The following ABCC3 variants were observed in gnomAD, a reference collection of about 807,000 sequenced individuals.
ABCC3 encodes the protein ATP binding cassette subfamily C member 3.
Under a neutral mutation model 165.3 loss-of-function variants are expected in ABCC3, and 121 were observed. That is an observed-to-expected ratio of 0.73 (90% CI 0.63 to 0.85). The LOEUF is 0.85. Among genes scored for constraint, ABCC3 ranks in the 40% least tolerant of loss-of-function variants. The probability of loss-of-function intolerance (pLI) is 0.00; values close to 1 mark genes in which losing one functional copy is unlikely to be tolerated. For missense variants in ABCC3, 1,869 were observed against 1,964.1 expected (o/e 0.95, Z 0.92); for synonymous variants, 733 against 810.1 (o/e 0.90, Z 1.62).
In ABCC3 at chr17:50,673,032, A is replaced by T; in HGVS notation, c.2303A>T (p.Asp768Val). Residue 768 changes from aspartate (D) to valine (V), a missense_variant, in exon 18 of 31, where the codon GAT becomes GTT. Physicochemically the swap from Asp to Val is radical, Grantham distance 152 (BLOSUM62 -3). Transcript: ENST00000285238. Reference protein sequence around the residue: ...RVSLARAVYSDADIFLLDDPL... With the variant: ...RVSLARAVYSVADIFLLDDPL... The stretch of plus-strand genomic sequence containing the variant: ...AGTCTGGCTCGAGCTGTTTACAGTG[A>T]TGCCGATATTTTCTTGCTGGATGAC... 1 of 1,614,072 alleles carries T rather than the reference A, an allele frequency of 6.2e-7. No homozygotes were observed. Among genetic ancestry groups the T allele is most frequent in the Non-Finnish European group, 8.5e-7 (1 of 1,180,014 alleles).
intron 26 of ABCC3, among the ~76,000 whole-genome samples, chr17:50,683,156 C>CTG (rs1967955513): frequency 6.6e-6 from 1 of 151,924 alleles, no homozygotes; most frequent in Non-Finnish European, 1.5e-5. Context: ...TTGCATTGAG[C>CTG]TATGATTGCA....
chr17:50,648,407 A>G lies in ABCC3; in HGVS notation c.46-7425A>G, dbSNP rs183350587. On this transcript the variant is annotated intron_variant, in intron 1 of 30. Transcript: ENST00000285238. ...GATGAAACACCCAAGATACTTATCC[A>G]TCTCCTCTCAAAGCCAGGCAAATTC... 1.0e-3 allele frequency among the ~76,000 whole-genome samples: 159 copies of G among 152,310 alleles called. 1 individual carries two copies. The highest frequency in any genetic ancestry group is 3.6e-3 in the African/African-American group (149 of 41,566).
At chr17:50,671,671 C>T (rs1236277338) in intron 17 of ABCC3, among the ~76,000 whole-genome samples, 1 of 144,536 alleles carries the variant, frequency 6.9e-6, no homozygotes, top group African/African-American at 2.6e-5. Context: ...GGGGACCGAG[C>T]ATGCTAGCTC....
intron 19 of ABCC3, among the ~76,000 whole-genome samples, chr17:50,673,955 T>TCCTTCCTTC (rs1967715851): frequency 5.4e-5 from 1 of 18,576 alleles, no homozygotes; most frequent in African/African-American, 2.5e-4. Flanking sequence ...TTTCTTTCTT[T>TCCTTCCTTC]CTTTCTTTCT....
At chr17:50,648,817 C>T (rs1320108529) in intron 1 of ABCC3, among the ~76,000 whole-genome samples, 7 of 152,062 alleles carry the variant, frequency 4.6e-5, no homozygotes, top group Non-Finnish European at 1.0e-4. Context: ...ACAGCCAAGC[C>T]GCAAGAATCA....
chr17:50,667,919 C>T lies in ABCC3; in HGVS notation c.1692C>T (p.Asp564=), dbSNP rs754029176. The T allele has an allele frequency of 2.6e-5, 42 of 1,614,026 alleles. No homozygotes were observed. The highest frequency in any genetic ancestry group is 1.5e-4 in the African/African-American group (11 of 74,930). The change falls in exon 13 of 31, where the codon GAC becomes GAT. Residue 564 remains aspartate (D), a synonymous_variant. Coordinates refer to ENST00000285238, the MANE Select transcript of ABCC3 (RefSeq NM_003786.4). ...ACGTGGACCCAAACAATGTGCTGGA[C>T]GCCGAGAAGGCCTTTGTGTCTGTGT... ...YVYVDPNNVL[D]AEKAFVSVSL...
chr17:50,642,229 G>A (rs739921), intron 1 of ABCC3, among the ~76,000 whole-genome samples: 1 of 152,114 alleles, frequency 6.6e-6, no homozygotes, highest in East Asian at 1.9e-4. Context: ...AGTTCTGGAC[G>A]TGTTTTGTAT....
chr17:50,673,874 A>T (rs1033227847), intron 19 of ABCC3, among the ~76,000 whole-genome samples: 29 of 148,708 alleles, frequency 2.0e-4, no homozygotes, highest in African/African-American at 7.2e-4. Flanking sequence ...GGGAACTCAG[A>T]TCCTCCGCCC....
At chr17:50,676,943 T>C (rs977736540) in intron 23 of ABCC3, among the ~76,000 whole-genome samples, 1 of 151,500 alleles carries the variant, frequency 6.6e-6, no homozygotes, top group African/African-American at 2.4e-5. Flanking sequence ...GGAGTGCAGC[T>C]GCACGATCTC....
chr17:50,675,432 A>C lies in ABCC3; in HGVS notation c.2670A>C (p.Thr890=), dbSNP rs771855197. ...CACTCAGCAACCACACGGATCTGAC[A>C]GACAATGATCCAGTCACCTATGTGG... ...EDTLSNHTDL[T]DNDPVTYVVQ... is the part of the protein sequence containing the mutation. The change falls in exon 20 of 31, where the codon ACA becomes ACC. Residue 890 remains threonine (T), a synonymous_variant. Transcript: ENST00000285238. 6.2e-7 allele frequency: 1 copy of C among 1,614,102 alleles called. No individual in the cohort carries two copies. Among genetic ancestry groups the C allele is most frequent in the East Asian group, 2.2e-5 (1 of 44,888 alleles).
Position 50,667,638 on chromosome 17 carries a change from T to C in ABCC3, c.1516T>C (p.Trp506Arg). The change falls in exon 12 of 31, where the codon TGG (tryptophan) becomes CGG (arginine). Residue 506 changes from tryptophan to arginine, a missense_variant. Coordinates refer to ENST00000285238, the MANE Select transcript of ABCC3 (RefSeq NM_003786.4). ...CATCAAGGTGCTGAAGCTGTACGCC[T>C]GGGAGCCCAGCTTCCTGAAGCAGGT... Reference protein sequence around the residue: ...NGIKVLKLYAWEPSFLKQVEG... With the variant: ...NGIKVLKLYAREPSFLKQVEG... 1 of 1,614,210 alleles carries C rather than the reference T, an allele frequency of 6.2e-7. No individual in the cohort carries two copies. Among genetic ancestry groups the C allele is most frequent in the Non-Finnish European group, 8.5e-7 (1 of 1,180,028 alleles).
chr17:50,675,630 G>C lies in ABCC3; in HGVS notation c.2715-1G>C, dbSNP rs1248382722. The C allele has an allele frequency of 6.4e-7, 1 of 1,565,478 alleles. No individual in the cohort carries two copies. Among genetic ancestry groups the C allele is most frequent in the Non-Finnish European group, 8.7e-7 (1 of 1,155,138 alleles). On this transcript the variant is annotated splice_acceptor_variant, in intron 20 of 30. Coordinates refer to ENST00000285238, the MANE Select transcript of ABCC3 (RefSeq NM_003786.4). LOFTEE classifies it high-confidence loss of function. ...CTGGGCCTGACCAGCTGCCTCCACA[G>C]ACAGCTGAGTGCCCTGTCCTCAGAT...
In ABCC3 at chr17:50,676,555, C is replaced by T. The variant is rs1347397130; in HGVS notation, c.3345C>T (p.Ile1115=). ...GCACGCCGCTCTTCACTGTGGTCAT[C>T]CTGCCCCTGGCTGTGCTCTACACCT... ...MASTPLFTVV[I]LPLAVLYTLV... Residue 1115 remains isoleucine (I), a synonymous_variant, in exon 23 of 31, where the codon ATC becomes ATT. Transcript: ENST00000285238. The T allele has an allele frequency of 6.2e-7, 1 of 1,613,438 alleles. No homozygotes were observed. Among genetic ancestry groups the T allele is most frequent in the Non-Finnish European group, 8.5e-7 (1 of 1,179,602 alleles).
chr17:50,673,582 C>T lies in ABCC3; in HGVS notation c.2523C>T (p.Arg841=). Residue 841 remains arginine, a synonymous_variant, in exon 19 of 31, where the codon CGC becomes CGT. Coordinates refer to ENST00000285238, the MANE Select transcript of ABCC3 (RefSeq NM_003786.4). ...GCCCGTACCCAGCCCTGCTGCAGCG[C>T]AACGGCTCCTTTGCCAACTTTCTCT... ...EMGPYPALLQ[R]NGSFANFLCN... is the part of the protein sequence containing the mutation. The T allele has an allele frequency of 6.2e-7, 1 of 1,614,224 alleles. No homozygotes were observed. The highest frequency in any genetic ancestry group is 8.5e-7 in the Non-Finnish European group (1 of 1,180,032).
At chr17:50,659,068 T>C in intron 6 of ABCC3, 169 bp from the exon 7 acceptor site, 1 of 756,770 alleles carries the variant, frequency 1.3e-6, no homozygotes, top group Non-Finnish European at 2.1e-6. Context: ...GCCAGTGACC[T>C]CAAGCCTATT....
At chr17:50,667,478 T>G in intron 11 of ABCC3, 76 bp from the exon 12 acceptor site, 3 of 1,311,502 alleles carry the variant, frequency 2.3e-6, no homozygotes, top group Admixed American at 1.9e-5. Context: ...TGAGAATGGA[T>G]GGAAGGTAGG....
In ABCC3 at chr17:50,646,988, C is replaced by T. The variant is rs534006033; in HGVS notation, c.46-8844C>T. 7.5e-4 allele frequency among the ~76,000 whole-genome samples: 114 copies of T among 152,334 alleles called. No homozygotes were observed. In the Middle Eastern group the frequency reaches 0.017, roughly 23 times the overall value. On this transcript the variant is annotated intron_variant, in intron 1 of 30. Transcript: ENST00000285238. The stretch of plus-strand genomic sequence containing the variant: ...CCGCCTCCCGGGTTCAAACAGTTCA[C>T]CTGCCTCAGCCTCCCGAGTAGCTGG...
chr17:50,649,585 A>G (rs1327108981), intron 1 of ABCC3, among the ~76,000 whole-genome samples: 2 of 148,706 alleles, frequency 1.3e-5, no homozygotes, highest in African/African-American at 5.0e-5. Context: ...TTTGTCAAAA[A>G]AAGAAGGAGA....
Position 50,683,616 on chromosome 17 carries a change from TG to T in ABCC3, c.3817del (p.Val1273TrpfsTer30), listed in dbSNP as rs762616902. On this transcript the variant is annotated frameshift_variant, in exon 27 of 31. Transcript: ENST00000285238. LOFTEE classifies it high-confidence loss of function. Reference sequence around the variant, plus strand: ...CATCTGCCCCTCCTGCCAGGCGCCCTGGGTGGTGGAAGGCAGCCGCCCTCCC... The same window carrying T: ...CATCTGCCCCTCCTGCCAGGCGCCCTGGTGGTGGAAGGCAGCCGCCCTCCC... Reference protein sequence around the residue: ...EYSKTETEAPWVVEGSRPPEG... With the variant: ...EYSKTETEAPXVVEGSRPPEG... The T allele has an allele frequency of 1.4e-5, 22 of 1,572,080 alleles. No individual in the cohort carries two copies. The highest frequency in any genetic ancestry group is 1.8e-5 in the Non-Finnish European group (21 of 1,160,090).
Sources: allele counts gnomAD v4.1 joint callset (sites outside exome capture counted in the v4.1 genomes callset), GRCh38; gene constraint gnomAD v4.1.1; transcripts MANE v1.5; gene names NCBI Gene and HGNC (gene_info 2026-07-23, HGNC 2026-07-21).